Variants in SNTG1 observed in about 807,000 individuals in gnomAD.
The protein encoded by SNTG1 is syntrophin gamma 1.
SNTG1 carries 39 observed loss-of-function variants against 74.7 expected under a neutral mutation model. The ratio of observed to expected loss-of-function variants is 0.52; its 90% confidence interval spans 0.40 to 0.68. The LOEUF is 0.68. Ranked by LOEUF, SNTG1 falls within the 30% of genes least tolerant of loss-of-function variation. The pLI is 0.00. For missense variants in SNTG1, 685 were observed against 609.5 expected (o/e 1.12, Z -1.30); for synonymous variants, 254 against 217.1 (o/e 1.17, Z -1.49).
chr8:50,602,632 T>C (rs2094783164), intron 13 of SNTG1, among the ~76,000 whole-genome samples: 2 of 152,216 alleles, frequency 1.3e-5, no homozygotes, highest in Admixed American at 1.3e-4. Flanking sequence ...TCTTGTTCAT[T>C]AACATCATTT....
At chr8:50,214,712 G>A (rs1410568216) in intron 2 of SNTG1, among the ~76,000 whole-genome samples, 2 of 152,110 alleles carry the variant, frequency 1.3e-5, no homozygotes, top group South Asian at 4.1e-4. Flanking sequence ...TCTAATAACA[G>A]TGTTATTTGG....
chr8:49,954,387 G>A (rs1809980489), intron 1 of SNTG1, among the ~76,000 whole-genome samples: 1 of 152,026 alleles, frequency 6.6e-6, no homozygotes, highest in African/African-American at 2.4e-5. Context: ...ATTATGTTAG[G>A]CTGTAAGATC....
In SNTG1 at chr8:50,417,373, A is replaced by T. The variant is rs11988078; in HGVS notation, c.162+15029A>T. Among the ~76,000 whole-genome samples, 1,381 of 152,282 alleles carry T rather than the reference A, an allele frequency of 9.1e-3. 27 individuals carry two copies. The highest frequency in any genetic ancestry group is 0.031 in the African/African-American group (1,309 of 41,564). On this transcript the variant is annotated intron_variant, in intron 4 of 18. Transcript: ENST00000642720. Reference sequence around the variant, plus strand: ...CTGACTTCTATTTCAGAGTCTATCAAAAGGCACCTATGTGATCCTCACACT... The same window carrying T: ...CTGACTTCTATTTCAGAGTCTATCATAAGGCACCTATGTGATCCTCACACT...
intron 1 of SNTG1, among the ~76,000 whole-genome samples, chr8:49,966,139 A>C (rs1396480198): frequency 6.6e-6 from 1 of 152,016 alleles, no homozygotes; most frequent in African/African-American, 2.4e-5. Flanking sequence ...TCTTGTCTCT[A>C]TTGGGAAAAT....
intron 2 of SNTG1, among the ~76,000 whole-genome samples, chr8:50,381,728 C>A (rs2092487402): frequency 2.5e-5 from 3 of 118,184 alleles, no homozygotes; most frequent in African/African-American, 6.4e-5. Context: ...ATATATATAT[C>A]CTATTAGTTA....
At chr8:50,369,632 A>T (rs2131138499) in intron 2 of SNTG1, among the ~76,000 whole-genome samples, 1 of 152,072 alleles carries the variant, frequency 6.6e-6, no homozygotes, top group Non-Finnish European at 1.5e-5. Context: ...AACAGAAACC[A>T]GAGCTAGCTC....
chr8:49,930,990 A>C (rs777956255), intron 1 of SNTG1, among the ~76,000 whole-genome samples: 16 of 152,238 alleles, frequency 1.1e-4, no homozygotes, highest in Non-Finnish European at 1.6e-4. Context: ...AAGTAAGCCT[A>C]CCTAAAGCAA....
intron 1 of SNTG1, among the ~76,000 whole-genome samples, chr8:50,148,053 A>G (rs1183633620): frequency 1.3e-5 from 2 of 152,208 alleles, no homozygotes; most frequent in Non-Finnish European, 2.9e-5. Context: ...GAAAGAACTC[A>G]CAACAGCCAA....
intron 5 of SNTG1, 139 bp from the exon 6 acceptor site, chr8:50,449,529 T>G (rs2093436261): frequency 1.9e-6 from 1 of 531,074 alleles, no homozygotes; most frequent in Non-Finnish European, 3.0e-6. Context: ...ACTATCTACT[T>G]AGAGGAGAAA....
chr8:50,322,796 T>A (rs2090583071), intron 2 of SNTG1, among the ~76,000 whole-genome samples: 1 of 151,940 alleles, frequency 6.6e-6, no homozygotes. Context: ...TAATTCTTTC[T>A]TCTGCTTGAT....
intron 13 of SNTG1, among the ~76,000 whole-genome samples, chr8:50,645,976 G>A (rs2131202283): frequency 6.6e-6 from 1 of 151,942 alleles, no homozygotes; most frequent in Non-Finnish European, 1.5e-5. Context: ...GTGTTGCCTT[G>A]GTAACATTGC....
intron 1 of SNTG1, among the ~76,000 whole-genome samples, chr8:50,031,169 T>G (rs985428873): frequency 3.9e-5 from 6 of 152,048 alleles, no homozygotes; most frequent in African/African-American, 1.4e-4. Context: ...TCTTACAGAT[T>G]TTTTAATTAT....
Position 50,626,972 on chromosome 8 carries a change from T to A in SNTG1, c.850-29937T>A, listed in dbSNP as rs2094960773. 2.0e-5 allele frequency among the ~76,000 whole-genome samples: 3 copies of A among 152,214 alleles called. No homozygotes were observed. In the South Asian group the frequency reaches 6.2e-4, roughly 31 times the overall value. ...TATTAAGGTCTCATCTTATATGTCA[T>A]TACAATCCCTATTTATTTTTCACTA... On this transcript the variant is annotated intron_variant, in intron 13 of 18. Coordinates refer to ENST00000642720, the MANE Select transcript of SNTG1 (RefSeq NM_018967.5).
intron 8 of SNTG1, among the ~76,000 whole-genome samples, chr8:50,493,870 A>G (rs1474752546): frequency 6.6e-6 from 1 of 151,830 alleles, no homozygotes; most frequent in African/African-American, 2.4e-5. Context: ...CCAAATAAAG[A>G]TAACCATTAT....
chr8:50,649,273 G>A (rs2095129440), intron 13 of SNTG1, among the ~76,000 whole-genome samples: 1 of 152,094 alleles, frequency 6.6e-6, no homozygotes, highest in Non-Finnish European at 1.5e-5. Context: ...CGAGGTGGGT[G>A]AATAACTTGA....
At chr8:50,187,866 T>G (rs1462885070) in intron 2 of SNTG1, among the ~76,000 whole-genome samples, 3 of 152,144 alleles carry the variant, frequency 2.0e-5, no homozygotes, top group Non-Finnish European at 4.4e-5. Flanking sequence ...AGTGGCCCAG[T>G]GAAAACAACC....
intron 18 of SNTG1, among the ~76,000 whole-genome samples, chr8:50,774,252 T>C (rs992905213): frequency 1.3e-4 from 19 of 151,960 alleles, no homozygotes; most frequent in African/African-American, 4.3e-4. Flanking sequence ...AATATTAATA[T>C]ACATATTTGA....
intron 15 of SNTG1, among the ~76,000 whole-genome samples, chr8:50,703,342 A>T (rs1327738854): frequency 6.9e-6 from 1 of 144,152 alleles, no homozygotes; most frequent in East Asian, 2.0e-4. Context: ...TTTTTATAAA[A>T]AATAAGACAG....
chr8:50,043,122 T>C (rs1818785285), intron 1 of SNTG1, among the ~76,000 whole-genome samples: 1 of 152,240 alleles, frequency 6.6e-6, no homozygotes. Context: ...CACAATTTTA[T>C]GCACTTTCTC....
Sources: gnomAD v4.1 joint callset for allele counts (sites outside exome capture counted in the v4.1 genomes callset) on GRCh38, gnomAD v4.1.1 for gene constraint, MANE v1.5 for transcripts, NCBI Gene and HGNC (gene_info 2026-07-23, HGNC 2026-07-21) for gene names.